The following TRAPPC11 variants were observed in gnomAD, a reference collection of about 807,000 sequenced individuals.
The protein encoded by TRAPPC11 is foie gras homolog.
In TRAPPC11, 104 loss-of-function variants were observed where a neutral mutation model predicts 151.2. The ratio of observed to expected loss-of-function variants is 0.69; its 90% CI spans 0.59 to 0.81. The LOEUF is 0.81. Among genes scored for constraint, TRAPPC11 ranks in the 30% least tolerant of loss-of-function variants. TRAPPC11 has a pLI of 0.00. For missense variants in TRAPPC11, 1,230 were observed against 1,349.6 expected (o/e 0.91, Z 1.39); for synonymous variants, 456 against 472.3 (o/e 0.97, Z 0.45).
rs750824619 is a variant in TRAPPC11 at position 183,667,052 on chromosome 4, C to T, written c.375-8C>T. The T allele has an allele frequency of 2.5e-6, 4 of 1,586,184 alleles. No homozygotes were observed. The highest frequency in any genetic ancestry group is 1.7e-5 in the Admixed American group (1 of 59,332). On this transcript the variant is annotated splice_region_variant and splice_polypyrimidine_tract_variant and intron_variant, in intron 3 of 29. Coordinates refer to ENST00000334690, the MANE Select transcript of TRAPPC11 (RefSeq NM_021942.6). The stretch of plus-strand genomic sequence containing the variant: ...ATAATTAATTTTATTCTTGCTTTTT[C>T]ATTGCAGGCAAAGTTTACAAGGAAG...
Position 183,684,766 on chromosome 4 carries a change from A to G in TRAPPC11, c.1492A>G (p.Thr498Ala), listed in dbSNP as rs2111365312. Reference sequence around the variant, plus strand: ...GACTCTGCTCACTTCTGTATTAACTACAGCTCTGAAGTGCTCCTACCTCAT... The same window carrying G: ...GACTCTGCTCACTTCTGTATTAACTGCAGCTCTGAAGTGCTCCTACCTCAT... ...WWTLLTSVLT[T>A]ALKCSYLMAQ... is the part of the protein sequence containing the mutation. Residue 498 changes from threonine to alanine, a missense_variant, in exon 15 of 30, where the codon ACA (threonine) becomes GCA (alanine). Transcript: ENST00000334690. The G allele has an allele frequency of 6.2e-7, 1 of 1,613,706 alleles. No individual in the cohort carries two copies. Among genetic ancestry groups the G allele is most frequent in the Non-Finnish European group, 8.5e-7 (1 of 1,179,640 alleles).
In TRAPPC11 at chr4:183,712,712, G is replaced by T. The variant is rs1239566734; in HGVS notation, c.*68G>T. 3.4e-6 allele frequency: 5 copies of T among 1,486,948 alleles called. No homozygotes were observed. The East Asian group carries it at 1.1e-4, about 34-fold the overall frequency. 92.1% of individuals were successfully genotyped at this position (1,486,948 alleles called of 1,614,324 possible). Reference sequence around the variant, plus strand: ...CAGAGCTATGCAGGTGTTTCATTGTGAACTCTAGCTTTGATCATGGTAAAA... The same window carrying T: ...CAGAGCTATGCAGGTGTTTCATTGTTAACTCTAGCTTTGATCATGGTAAAA... On this transcript the variant is annotated 3_prime_UTR_variant, in exon 30 of 30. Coordinates refer to ENST00000334690, the MANE Select transcript of TRAPPC11 (RefSeq NM_021942.6).
At chr4:183,662,919 A>T (rs115588755) in intron 1 of TRAPPC11, among the ~76,000 whole-genome samples, 1 of 152,148 alleles carries the variant, frequency 6.6e-6, no homozygotes, top group Non-Finnish European at 1.5e-5. Context: ...TTCATTTTTA[A>T]CATGAAAGAT....
intron 10 of TRAPPC11, 134 bp downstream of exon 10, chr4:183,680,401 G>A (rs1735616892): frequency 1.0e-6 from 1 of 968,160 alleles, no homozygotes; most frequent in Non-Finnish European, 1.4e-6. Context: ...ATAGCTTTAG[G>A]AATTACATTG....
intron 25 of TRAPPC11, among the ~76,000 whole-genome samples, chr4:183,698,930 A>C (rs1276340074): frequency 6.6e-6 from 1 of 152,174 alleles, no homozygotes; most frequent in African/African-American, 2.4e-5. Flanking sequence ...ACATTTTTTT[A>C]ATCCAGCTTT....
intron 2 of TRAPPC11, among the ~76,000 whole-genome samples, chr4:183,665,294 C>T (rs1211138448): frequency 3.9e-5 from 6 of 151,908 alleles, no homozygotes; most frequent in African/African-American, 1.5e-4. Flanking sequence ...CGGGGTTTCA[C>T]CGTGTTAGCC....
chr4:183,666,812 A>G (rs975874908), intron 3 of TRAPPC11: 2 of 452,638 alleles, frequency 4.4e-6, no homozygotes. Context: ...ACTTTTACGT[A>G]AAAGTATACA....
intron 2 of TRAPPC11, among the ~76,000 whole-genome samples, chr4:183,665,244 GC>G (rs1043150248): frequency 9.9e-5 from 15 of 151,678 alleles, no homozygotes; most frequent in Admixed American, 2.0e-4. Context: ...ACAGGCGCCC[GC>G]CACCACGTCC....
At chr4:183,661,617 C>T (rs1474831272) in intron 1 of TRAPPC11, among the ~76,000 whole-genome samples, 30 of 151,860 alleles carry the variant, frequency 2.0e-4, no homozygotes, top group Non-Finnish European at 3.2e-4. Flanking sequence ...GTGATCCGCC[C>T]GCCTCGGCCT....
rs1294189272 is a variant in TRAPPC11, at chr4:183,697,800, C to T, written c.2816C>T (p.Thr939Ile). The change falls in exon 25 of 30, where the codon ACC (threonine) becomes ATC (isoleucine). Residue 939 changes from threonine to isoleucine, a missense_variant. By Grantham distance (89) the Thr-to-Ile change is moderately conservative (BLOSUM62 -1). Coordinates refer to ENST00000334690, the MANE Select transcript of TRAPPC11 (RefSeq NM_021942.6). ...GAGCTCCAGCTTGCTCCATCCATGA[C>T]CACAGTGGACCAGCTCGAGTCTCAA... The part of the protein sequence containing the change: ...SSELQLAPSM[T>I]TVDQLESQVD... 4.3e-6 allele frequency: 7 copies of T among 1,613,784 alleles called. No homozygotes were observed. Among genetic ancestry groups the T allele is most frequent in the East Asian group, 2.2e-5 (1 of 44,890 alleles).
At chr4:183,703,965 G>A (rs969046067) in intron 26 of TRAPPC11, among the ~76,000 whole-genome samples, 2 of 152,176 alleles carry the variant, frequency 1.3e-5, no homozygotes, top group African/African-American at 4.8e-5. Context: ...AAAGTGGTCT[G>A]GGGCCCACCT....
intron 23 of TRAPPC11, 113 bp downstream of exon 23, chr4:183,694,836 C>G (rs1736451421): frequency 9.3e-7 from 1 of 1,075,358 alleles, no homozygotes; most frequent in Non-Finnish European, 1.3e-6. Flanking sequence ...TGCTTATAGT[C>G]TGTTATAAAT....
intron 18 of TRAPPC11, among the ~76,000 whole-genome samples, 181 bp downstream of exon 18, chr4:183,686,929 T>A (rs1296881782): frequency 6.6e-6 from 1 of 152,110 alleles, no homozygotes; most frequent in Non-Finnish European, 1.5e-5. Flanking sequence ...GCCTGTAATC[T>A]CAGCACTTTG....
chr4:183,684,458 A>G lies in TRAPPC11; in HGVS notation c.1421+99A>G, dbSNP rs966034935. The G allele has an allele frequency of 4.2e-6, 5 of 1,194,514 alleles. No homozygotes were observed. The African/African-American group carries it at 6.2e-5, about 15-fold the overall frequency. 74.0% of individuals were successfully genotyped at this position (1,194,514 alleles called of 1,614,324 possible). The stretch of plus-strand genomic sequence containing the variant: ...TGAAGGAGTTCGTATTTTCATATTT[A>G]TTTCTATTGTTGTTAAACTCCATTT... On this transcript the variant is annotated intron_variant, in intron 14 of 29. Coordinates refer to ENST00000334690, the MANE Select transcript of TRAPPC11 (RefSeq NM_021942.6).
At chr4:183,680,526 C>T (rs1341488107) in intron 10 of TRAPPC11, among the ~76,000 whole-genome samples, 2 of 152,000 alleles carry the variant, frequency 1.3e-5, no homozygotes, top group Non-Finnish European at 2.9e-5. Context: ...GAGAAAATTA[C>T]TTTAAAAGCC....
intron 3 of TRAPPC11, 91 bp from the exon 4 acceptor site, chr4:183,666,969 G>A (rs1293086784): frequency 9.4e-6 from 10 of 1,059,390 alleles, no homozygotes; most frequent in Non-Finnish European, 1.2e-5. Context: ...ATTTATCTTC[G>A]GTTGAATGAC....
At chr4:183,663,326 C>T (rs186708969) in intron 1 of TRAPPC11, among the ~76,000 whole-genome samples, 11 of 152,096 alleles carry the variant, frequency 7.2e-5, no homozygotes, top group Non-Finnish European at 1.2e-4. Flanking sequence ...CTCCACCTCC[C>T]GGGTTCACGC....
chr4:183,700,770 A>C (rs894210236), intron 25 of TRAPPC11: 1 of 152,156 alleles, frequency 6.6e-6, no homozygotes, highest in Non-Finnish European at 1.5e-5. Context: ...TATTTGCATT[A>C]TACTTAGTGG....
At chr4:183,699,652 G>A (rs966690525) in intron 25 of TRAPPC11, among the ~76,000 whole-genome samples, 5 of 152,146 alleles carry the variant, frequency 3.3e-5, no homozygotes, top group African/African-American at 1.2e-4. Flanking sequence ...CAGGTTAGAA[G>A]TCCAAAAAAC....
Sources: allele counts gnomAD v4.1 joint callset (sites outside exome capture counted in the v4.1 genomes callset), GRCh38; gene constraint gnomAD v4.1.1; transcripts MANE v1.5; gene names NCBI Gene and HGNC (gene_info 2026-07-23, HGNC 2026-07-21).